Variants in ZFPM1 observed in about 807,000 individuals in gnomAD.
ZFPM1 encodes the protein zinc finger protein, FOG family member 1, also known as zinc finger protein ZFPM1.
In ZFPM1, 28 loss-of-function variants were observed where a neutral mutation model predicts 46.3. The ratio of observed to expected loss-of-function variants is 0.60; its 90% CI spans 0.45 to 0.83. The LOEUF (loss-of-function observed/expected upper bound fraction) is 0.83. Among genes scored for constraint, ZFPM1 ranks in the 40% least tolerant of loss-of-function variants. ZFPM1 has a pLI of 0.00. For synonymous variants in ZFPM1, 957 were observed against 675.9 expected (o/e 1.42, Z -6.45); for missense variants, 1,878 against 1,432.4 (o/e 1.31, Z -5.02).
intron 2 of ZFPM1, among the ~76,000 whole-genome samples, chr16:88,487,425 G>T (rs1909293213): frequency 6.6e-6 from 1 of 152,334 alleles, no homozygotes; most frequent in South Asian, 2.1e-4. Context: ...ATGCTAGGTG[G>T]GTGACATGAG....
intron 3 of ZFPM1, among the ~76,000 whole-genome samples, chr16:88,500,249 C>T (rs1910176968): frequency 6.6e-6 from 1 of 152,234 alleles, no homozygotes; most frequent in Non-Finnish European, 1.5e-5. Context: ...GGCTACTGCC[C>T]AGAAGCTTCC....
chr16:88,506,879 G>A (rs555501393), intron 3 of ZFPM1, among the ~76,000 whole-genome samples: 78 of 152,312 alleles, frequency 5.1e-4, no homozygotes, highest in African/African-American at 1.3e-3. Context: ...CATGGCTCCC[G>A]TCACCCGCGT....
intron 6 of ZFPM1, among the ~76,000 whole-genome samples, chr16:88,528,522 G>C (rs1031772449): frequency 6.6e-6 from 1 of 152,240 alleles, no homozygotes; most frequent in Non-Finnish European, 1.5e-5. Context: ...CTAGAAGCCA[G>C]TGCTTTCCCT....
intron 1 of ZFPM1, among the ~76,000 whole-genome samples, chr16:88,464,020 C>T (rs1376661776): frequency 6.6e-6 from 1 of 152,230 alleles, no homozygotes; most frequent in Non-Finnish European, 1.5e-5. Context: ...CTCCAGCCAG[C>T]CAGGAGCCCT....
In ZFPM1 at chr16:88,480,723, C is replaced by T. The variant is rs1008242529; in HGVS notation, c.41-5216C>T. Among the ~76,000 whole-genome samples, 12 of 152,362 alleles carry T rather than the reference C, an allele frequency of 7.9e-5. No homozygotes were observed. Among genetic ancestry groups the T allele is most frequent in the East Asian group, 1.9e-4 (1 of 5,184 alleles). On this transcript the variant is annotated intron_variant, in intron 1 of 9. Transcript: ENST00000319555. This position sits in a 1 kb window ranked among gnomAD's most constrained non-coding sequence, Gnocchi z 4.9. The stretch of plus-strand genomic sequence containing the variant: ...TTGCCCAAGGTCACAGAGCCAGGGG[C>T]ACCGCAGGGGCCTCCCCAGGGGCCT...
chr16:88,523,959 A>G (rs1912110042), intron 4 of ZFPM1, among the ~76,000 whole-genome samples: 1 of 152,180 alleles, frequency 6.6e-6, no homozygotes, highest in African/African-American at 2.4e-5. Flanking sequence ...GGACCGCCAC[A>G]GAAAAATCGG....
At chr16:88,479,251 G>A (rs1908818573) in intron 1 of ZFPM1, among the ~76,000 whole-genome samples, 1 of 152,170 alleles carries the variant, frequency 6.6e-6, no homozygotes, top group African/African-American at 2.4e-5. Flanking sequence ...CTTTGATGGC[G>A]GGGCTGGGCT....
chr16:88,461,351 C>T (rs1907882973), intron 1 of ZFPM1, among the ~76,000 whole-genome samples: 1 of 152,188 alleles, frequency 6.6e-6, no homozygotes, highest in South Asian at 2.1e-4. Flanking sequence ...GGGCTTTGCC[C>T]CGCCACCTGG....
At position 88,533,603 on chromosome 16, in the gene ZFPM1, C is replaced by G. The variant is rs1164227337; in HGVS notation, c.1645C>G (p.Leu549Val). The G allele has an allele frequency of 3.4e-6, 5 of 1,490,254 alleles. No individual in the cohort carries two copies. In the East Asian group the frequency reaches 1.4e-4, roughly 43 times the overall value. The allele number at this position is 1,490,254 out of a possible 1,614,324, so 92.3% of individuals were successfully genotyped here. The change falls in exon 10 of 10, where the codon CTG becomes GTG. Residue 549 changes from leucine (L) to valine (V), a missense_variant. Leu to Val is a conservative substitution (Grantham distance 32). Coordinates refer to ENST00000319555, the MANE Select transcript of ZFPM1 (RefSeq NM_153813.3). The part of the protein sequence containing the change: ...ASEILAKMSE[L>V]VHSRLQQGAG... ...GGAGATCCTGGCCAAGATGTCCGAG[C>G]TGGTGCACAGCCGGCTGCAGCAGGG... is the stretch of plus-strand genomic sequence containing the variant.
At chr16:88,519,386 T>G (rs1028983038) in intron 4 of ZFPM1, among the ~76,000 whole-genome samples, 1 of 147,730 alleles carries the variant, frequency 6.8e-6, no homozygotes, top group Non-Finnish European at 1.5e-5. Flanking sequence ...GATGGATAGG[T>G]GGATGGATAA....
At chr16:88,463,162 C>G (rs1907976681) in intron 1 of ZFPM1, among the ~76,000 whole-genome samples, 1 of 152,260 alleles carries the variant, frequency 6.6e-6, no homozygotes, top group South Asian at 2.1e-4. Flanking sequence ...GCCCCAGGGC[C>G]AGGTGGTCGT....
chr16:88,468,090 G>A (rs1191507134), intron 1 of ZFPM1, among the ~76,000 whole-genome samples: 3 of 66,888 alleles, frequency 4.5e-5, no homozygotes, highest in Admixed American at 2.4e-4. Flanking sequence ...CGAGCCCACC[G>A]GCCGCTGACG....
chr16:88,480,616 A>C lies in ZFPM1; in HGVS notation c.41-5323A>C, dbSNP rs1212042845. Among the ~76,000 whole-genome samples the C allele has an allele frequency of 6.6e-6, 1 of 152,182 alleles. No individual in the cohort carries two copies. Among genetic ancestry groups the C allele is most frequent in the Non-Finnish European group, 1.5e-5 (1 of 68,026 alleles). On this transcript the variant is annotated intron_variant, in intron 1 of 9. Coordinates refer to ENST00000319555, the MANE Select transcript of ZFPM1 (RefSeq NM_153813.3). The surrounding 1 kb of genome is among the most constrained non-coding windows in gnomAD (Gnocchi z 4.9). ...ATAGGCGCCTGTGTCCCCTGCAGGCACCCACTGGGGACTTAGGCTCATCTC... is the reference window on the plus strand; with the variant it reads ...ATAGGCGCCTGTGTCCCCTGCAGGCCCCCACTGGGGACTTAGGCTCATCTC...
At chr16:88,512,497 C>T (rs1013783371) in intron 3 of ZFPM1, among the ~76,000 whole-genome samples, 28 of 152,180 alleles carry the variant, frequency 1.8e-4, no homozygotes, top group Admixed American at 6.5e-5. Context: ...TGGGTCCAGA[C>T]GTGCCCTCAG....
intron 3 of ZFPM1, among the ~76,000 whole-genome samples, chr16:88,511,074 G>A (rs1350933135): frequency 1.3e-5 from 2 of 152,170 alleles, no homozygotes; most frequent in African/African-American, 4.8e-5. Flanking sequence ...AGTTGTTCTG[G>A]AGCTGGGGAA....
rs1209030219 is a variant in ZFPM1 at position 88,533,153 on chromosome 16, C to A, written c.1195C>A (p.Leu399Met). The change falls in exon 10 of 10, where the codon CTG (leucine) becomes ATG (methionine). Residue 399 changes from leucine (L) to methionine (M), a missense_variant. Coordinates refer to ENST00000319555, the MANE Select transcript of ZFPM1 (RefSeq NM_153813.3). ...HPATKLPPDS[L>M]GSFQQQHTAL... ...CCCCTGCGATCTCTCTGCAGACAGT[C>A]TGGGCAGCTTCCAGCAGCAGCACAC... 2.7e-6 allele frequency: 4 copies of A among 1,498,102 alleles called. No homozygotes were observed. Among genetic ancestry groups the A allele is most frequent in the South Asian group, 1.3e-5 (1 of 74,892 alleles). 92.8% of individuals were successfully genotyped at this position (1,498,102 alleles called of 1,614,324 possible).
intron 2 of ZFPM1, among the ~76,000 whole-genome samples, chr16:88,487,532 G>T (rs569845043): frequency 2.6e-5 from 4 of 152,144 alleles, no homozygotes; most frequent in Admixed American, 2.6e-4. Flanking sequence ...CAAGGCCAAC[G>T]GGGGTGGGGG....
intron 3 of ZFPM1, among the ~76,000 whole-genome samples, chr16:88,499,164 C>A (rs1299965558): frequency 6.6e-6 from 1 of 152,182 alleles, no homozygotes. Context: ...CCCGCACCCA[C>A]CCCAGCCCTG....
Position 88,528,093 on chromosome 16 carries a change from C to G in ZFPM1, c.567C>G (p.Leu189=), listed in dbSNP as rs1384662304. The change falls in exon 6 of 10, where the codon CTC becomes CTG. Residue 189 remains leucine, a synonymous_variant. Transcript: ENST00000319555. The stretch of plus-strand genomic sequence containing the variant: ...CTGCGGGGGGACTCCTGAGCGTGCT[C>G]CTCACGGCCGAGCCCCACAGCACCC... The part of the protein sequence containing the change: ...PVPAGGLLSV[L]LTAEPHSTPG... 6.3e-7 allele frequency: 1 copy of G among 1,576,056 alleles called. No individual in the cohort carries two copies. Among genetic ancestry groups the G allele is most frequent in the Admixed American group, 1.8e-5 (1 of 54,796 alleles).
Sources: gnomAD v4.1 joint callset for allele counts (sites outside exome capture counted in the v4.1 genomes callset) on GRCh38, gnomAD v4.1.1 for gene constraint, Gnocchi (gnomAD v3.1) non-coding constraint, MANE v1.5 for transcripts, NCBI Gene and HGNC (gene_info 2026-07-23, HGNC 2026-07-21) for gene names.